The following TGM4 variants were observed in gnomAD, a reference collection of about 807,000 sequenced individuals.
The protein encoded by TGM4 is transglutaminase 4.
Under a neutral mutation model 76.3 loss-of-function variants are expected in TGM4, and 61 were observed. The ratio of observed to expected loss-of-function variants is 0.80; its 90% CI spans 0.65 to 0.99. The LOEUF (loss-of-function observed/expected upper bound fraction) is 0.99. TGM4 is among the 50% of genes least tolerant of loss of function. The pLI is 0.00. For synonymous variants in TGM4, 337 were observed against 329.8 expected (o/e 1.02, Z -0.24); for missense variants, 794 against 843.2 (o/e 0.94, Z 0.72).
intron 1 of TGM4, among the ~76,000 whole-genome samples, chr3:44,881,732 A>G (rs1284245826): frequency 6.6e-6 from 1 of 152,250 alleles, no homozygotes; most frequent in Non-Finnish European, 1.5e-5. Context: ...GTTTAAAAGC[A>G]ACTTTGCTTT....
At chr3:44,880,602 A>AAGCC (rs1196553026) in intron 1 of TGM4, among the ~76,000 whole-genome samples, 2 of 152,110 alleles carry the variant, frequency 1.3e-5, no homozygotes, top group Non-Finnish European at 2.9e-5. Context: ...GCAAAGGGAA[A>AAGCC]AGCCTGCTGG....
Position 44,913,783 on chromosome 3 carries a change from A to C in TGM4, c.*58A>C. The C allele has an allele frequency of 6.4e-7, 1 of 1,570,796 alleles. No homozygotes were observed. Among genetic ancestry groups the C allele is most frequent in the Non-Finnish European group, 8.6e-7 (1 of 1,161,766 alleles). On this transcript the variant is annotated 3_prime_UTR_variant, in exon 14 of 14. Transcript: ENST00000296125. The stretch of plus-strand genomic sequence containing the variant: ...TTTCAGCATTTCCTACCTTGTGCTT[A>C]GCTTTCAGATTATGGATGATTAAAT...
chr3:44,889,471 G>A (rs1024289741), intron 3 of TGM4, among the ~76,000 whole-genome samples: 2 of 152,110 alleles, frequency 1.3e-5, no homozygotes, highest in African/African-American at 4.8e-5. Flanking sequence ...GAAGCCAGTT[G>A]CACTCCAGCC....
Position 44,914,245 on chromosome 3 carries a change from G to A in TGM4, c.*520G>A, listed in dbSNP as rs1700051941. On this transcript the variant is annotated 3_prime_UTR_variant, in exon 14 of 14. Transcript: ENST00000296125. ...CTCCTCTCTCTATCCCTGAAATCCAGGAAGTCCCTCTCCTGGTGCTCCAAG... is the reference window on the plus strand; with the variant it reads ...CTCCTCTCTCTATCCCTGAAATCCAAGAAGTCCCTCTCCTGGTGCTCCAAG... The A allele has an allele frequency of 6.5e-6, 1 of 153,628 alleles. No homozygotes were observed. The highest frequency in any genetic ancestry group is 2.4e-5 in the African/African-American group (1 of 41,448). The allele number at this position is 153,628 out of a possible 1,614,324, so 9.5% of individuals were successfully genotyped here.
intron 9 of TGM4, 147 bp downstream of exon 9, chr3:44,904,134 G>A: frequency 3.0e-6 from 2 of 661,286 alleles, no homozygotes; most frequent in Non-Finnish European, 2.6e-6. Context: ...AGTCCTTCCT[G>A]CTATTCCCAC....
At chr3:44,912,805 A>G (rs1472445921) in intron 13 of TGM4, among the ~76,000 whole-genome samples, 1 of 152,156 alleles carries the variant, frequency 6.6e-6, no homozygotes, top group African/African-American at 2.4e-5. Flanking sequence ...GCACGTTATT[A>G]GTTGGGTTAA....
At chr3:44,878,458 A>T (rs1292950991) in intron 1 of TGM4, among the ~76,000 whole-genome samples, 97 of 44,750 alleles carry the variant, frequency 2.2e-3, no homozygotes, top group African/African-American at 5.7e-3. Flanking sequence ...TTTTATTATT[A>T]TTATTATTAT....
chr3:44,901,165 A>G (rs940833201), intron 6 of TGM4, among the ~76,000 whole-genome samples: 2 of 152,312 alleles, frequency 1.3e-5, no homozygotes, highest in African/African-American at 4.8e-5. Flanking sequence ...ACCTGAGCCC[A>G]GGAAGTTGAG....
Position 44,904,668 on chromosome 3 carries a change from T to C in TGM4, c.1075+681T>C, listed in dbSNP as rs921175410. On this transcript the variant is annotated intron_variant, in intron 9 of 13. Coordinates refer to ENST00000296125, the MANE Select transcript of TGM4 (RefSeq NM_003241.4). ...GGAAAATAGATTAGCTCAATAATTC[T>C]CAAATTTTAAAAAATTATTTGTTTA... Among the ~76,000 whole-genome samples, 4 of 152,202 alleles carry C rather than the reference T, an allele frequency of 2.6e-5. No individual in the cohort carries two copies. In the East Asian group the frequency reaches 5.8e-4, roughly 22 times the overall value.
intron 3 of TGM4, 200 bp downstream of exon 3, chr3:44,887,995 G>C (rs1699636393): frequency 1.7e-6 from 1 of 582,482 alleles, no homozygotes; most frequent in Non-Finnish European, 3.1e-6. Flanking sequence ...TATCGCTGTG[G>C]CCAAACCTCC....
intron 1 of TGM4, among the ~76,000 whole-genome samples, chr3:44,876,104 G>A (rs1559606751): frequency 6.6e-6 from 1 of 152,210 alleles, no homozygotes; most frequent in Non-Finnish European, 1.5e-5. Context: ...GTTCACTGGG[G>A]AGGTTTGATG....
rs542358101 is a variant in TGM4, at chr3:44,882,621, A to C, written c.20-2704A>C. Among the ~76,000 whole-genome samples the C allele has an allele frequency of 2.0e-4, 31 of 151,820 alleles. No homozygotes were observed. In the South Asian group the frequency reaches 6.5e-3, roughly 32 times the overall value. On this transcript the variant is annotated intron_variant, in intron 1 of 13. Coordinates refer to ENST00000296125, the MANE Select transcript of TGM4 (RefSeq NM_003241.4). ...CAGTCTCTGCCTCCATCTTCACATG[A>C]CCCTCCCCTTGCCTTTCCATGTCTC... is the stretch of plus-strand genomic sequence containing the variant.
rs1466841846 is a variant in TGM4 at position 44,890,588 on chromosome 3, T to C, written c.301-15T>C. ...CAGAGGGGGAGATGTCCACCTTATC[T>C]TATGGTTTGCTCAGGTCACAGTGGC... On this transcript the variant is annotated splice_polypyrimidine_tract_variant and intron_variant, in intron 3 of 13. Transcript: ENST00000296125. The C allele has an allele frequency of 6.2e-7, 1 of 1,613,342 alleles. No individual in the cohort carries two copies. The highest frequency in any genetic ancestry group is 8.5e-7 in the Non-Finnish European group (1 of 1,179,642).
In TGM4 at chr3:44,913,652, A is replaced by T; in HGVS notation, c.1982A>T (p.Lys661Ile). The T allele has an allele frequency of 1.2e-6, 2 of 1,614,240 alleles. No individual in the cohort carries two copies. Among genetic ancestry groups the T allele is most frequent in the Non-Finnish European group, 8.5e-7 (1 of 1,180,044 alleles). ...KCTPIKTGPK[K>I]FIVKLSSKQV... ...ACCCCAATAAAAACTGGACCCAAGA[A>T]ATTTATCGTCAAGTTAAGTTCCAAA... The change falls in exon 14 of 14, where the codon AAA becomes ATA. Residue 661 changes from lysine (K) to isoleucine (I), a missense_variant. Physicochemically the swap from Lys to Ile is moderately radical, Grantham distance 102 (BLOSUM62 -3). Transcript: ENST00000296125.
chr3:44,896,614 A>T (rs1476373717), intron 5 of TGM4, 95 bp from the exon 6 acceptor site: 11 of 1,141,858 alleles, frequency 9.6e-6, no homozygotes, highest in Non-Finnish European at 1.3e-5. Flanking sequence ...GGGTTACGCT[A>T]CAGGGTGGCT....
chr3:44,875,700 C>A (rs571395762), intron 1 of TGM4, among the ~76,000 whole-genome samples: 1 of 152,358 alleles, frequency 6.6e-6, no homozygotes, highest in South Asian at 2.1e-4. Flanking sequence ...GCTTGAGAAG[C>A]TGCTTGATAA....
intron 10 of TGM4, among the ~76,000 whole-genome samples, chr3:44,908,829 C>G (rs143920200): frequency 2.0e-5 from 3 of 152,114 alleles, no homozygotes; most frequent in African/African-American, 4.8e-5. Context: ...TTTTTATTGA[C>G]TGTTTCCATG....
chr3:44,896,265 C>A (rs1699776763), intron 5 of TGM4, among the ~76,000 whole-genome samples: 1 of 152,186 alleles, frequency 6.6e-6, no homozygotes, highest in Non-Finnish European at 1.5e-5. Flanking sequence ...GCATGCACCA[C>A]CACGCCCGGC....
chr3:44,896,798 C>CA lies in TGM4; in HGVS notation c.640dup (p.Arg214LysfsTer10). ...ATAGGAGGGACCCCGTGCTGGTGTGCAGGGCCATGTGTGCTATGGTAGGTA... is the reference window on the plus strand; with the variant it reads ...ATAGGAGGGACCCCGTGCTGGTGTGCAAGGGCCATGTGTGCTATGGTAGGTA... On this transcript the variant is annotated frameshift_variant, in exon 6 of 14. Transcript: ENST00000296125. LOFTEE classifies it high-confidence loss of function. 6.2e-7 allele frequency: 1 copy of CA among 1,614,140 alleles called. No individual in the cohort carries two copies. Among genetic ancestry groups the CA allele is most frequent in the Non-Finnish European group, 8.5e-7 (1 of 1,179,996 alleles).
Sources: allele counts gnomAD v4.1 joint callset (sites outside exome capture counted in the v4.1 genomes callset), GRCh38; gene constraint gnomAD v4.1.1; transcripts MANE v1.5; gene names NCBI Gene and HGNC (gene_info 2026-07-23, HGNC 2026-07-21).